Variants in MGAT5 observed in about 807,000 individuals in gnomAD.
MGAT5 encodes alpha-1,6-mannosylglycoprotein 6-beta-N-acetylglucosaminyltransferase.
Under a neutral mutation model 94.3 loss-of-function variants are expected in MGAT5, and 30 were observed. The ratio of observed to expected loss-of-function variants is 0.32; its 90% CI spans 0.24 to 0.43. The LOEUF (loss-of-function observed/expected upper bound fraction) is 0.43. Among genes scored for constraint, MGAT5 ranks in the 20% least tolerant of loss-of-function variants. The pLI is 1.00. For synonymous variants in MGAT5, 310 were observed against 322.9 expected, an observed-to-expected ratio of 0.96 and a Z score of 0.43; for missense variants, 691 against 905.5, an observed-to-expected ratio of 0.76 and a Z score of 3.04.
intron 9 of MGAT5, among the ~76,000 whole-genome samples, chr2:134,355,764 C>T (rs1679694347): frequency 6.6e-6 from 1 of 152,198 alleles, no homozygotes; most frequent in African/African-American, 2.4e-5. Context: ...CCCACATTTA[C>T]AACTTCGTCT....
At chr2:134,301,536 C>CT (rs1686018488) in intron 2 of MGAT5, among the ~76,000 whole-genome samples, 1 of 151,952 alleles carries the variant, frequency 6.6e-6, no homozygotes, top group Admixed American at 6.6e-5. Flanking sequence ...AAAGAACCTA[C>CT]TTTTTTTTGG....
chr2:134,425,451 G>A lies in MGAT5; in HGVS notation c.1794+2532G>A, dbSNP rs1009981542. On this transcript the variant is annotated intron_variant, in intron 13 of 15. Coordinates refer to ENST00000281923, the MANE Select transcript of MGAT5 (RefSeq NM_002410.5). ...TTTTTGTTTCTTTCTTTCTTTTTAA[G>A]TGTTGAGGATTTTATAAGTATGATG... Among the ~76,000 whole-genome samples the A allele has an allele frequency of 4.0e-5, 6 of 151,824 alleles. No homozygotes were observed. The East Asian group carries it at 9.7e-4, about 24-fold the overall frequency.
At chr2:134,244,459 G>A (rs1166891338) in intron 1 of MGAT5, among the ~76,000 whole-genome samples, 2 of 152,154 alleles carry the variant, frequency 1.3e-5, no homozygotes, top group African/African-American at 4.8e-5. Context: ...GCTAGCCTAG[G>A]AATGAGATTC....
intron 2 of MGAT5, among the ~76,000 whole-genome samples, chr2:134,291,285 C>A (rs1248621045): frequency 6.6e-6 from 1 of 152,060 alleles, no homozygotes; most frequent in East Asian, 1.9e-4. Context: ...GAGATTATTG[C>A]CCTTAGAAGA....
At chr2:134,180,850 T>C (rs1386006677) in intron 1 of MGAT5, among the ~76,000 whole-genome samples, 5 of 152,096 alleles carry the variant, frequency 3.3e-5, no homozygotes, top group Non-Finnish European at 7.4e-5. Flanking sequence ...TTTTATAGGG[T>C]GGAATAACCT....
At chr2:134,246,152 T>A (rs1417894675) in intron 1 of MGAT5, among the ~76,000 whole-genome samples, 1 of 135,900 alleles carries the variant, frequency 7.4e-6, no homozygotes, top group East Asian at 2.1e-4. Context: ...ATTTAGAATG[T>A]GTTTTTCCTG....
At chr2:134,288,984 C>T (rs946370293) in intron 2 of MGAT5, among the ~76,000 whole-genome samples, 1 of 152,196 alleles carries the variant, frequency 6.6e-6, no homozygotes, top group African/African-American at 2.4e-5. Flanking sequence ...GTGGTTAGCA[C>T]CTAGAAGGTG....
chr2:134,140,816 G>A (rs1050325055), intron 1 of MGAT5, among the ~76,000 whole-genome samples: 1 of 152,192 alleles, frequency 6.6e-6, no homozygotes, highest in African/African-American at 2.4e-5. Context: ...AGAGAGAGGA[G>A]GAAACTAAGG....
chr2:134,238,284 C>G (rs1681773873), intron 1 of MGAT5, among the ~76,000 whole-genome samples: 1 of 152,186 alleles, frequency 6.6e-6, no homozygotes, highest in African/African-American at 2.4e-5. Flanking sequence ...ACATACTTCA[C>G]AGGCTTAGAG....
At chr2:134,174,672 A>T (rs560205433) in intron 1 of MGAT5, among the ~76,000 whole-genome samples, 1 of 152,390 alleles carries the variant, frequency 6.6e-6, no homozygotes, top group South Asian at 2.1e-4. Flanking sequence ...AGTCTTAAAC[A>T]TGATAAAATA....
At chr2:134,289,093 C>T (rs1259882188) in intron 2 of MGAT5, among the ~76,000 whole-genome samples, 3 of 152,106 alleles carry the variant, frequency 2.0e-5, no homozygotes, top group Non-Finnish European at 1.5e-5. Flanking sequence ...TTCTCTACGT[C>T]CCCCTGTGTG....
chr2:134,250,378 A>G (rs1342179468), upstream of MGAT5, among the ~76,000 whole-genome samples: 6 of 152,196 alleles, frequency 3.9e-5, no homozygotes, highest in African/African-American at 1.2e-4. Context: ...GTCTGGAGGT[A>G]GGCATCTTCT....
At chr2:134,198,744 G>T (rs1234388413) in intron 1 of MGAT5, among the ~76,000 whole-genome samples, 1 of 152,138 alleles carries the variant, frequency 6.6e-6, no homozygotes, top group Admixed American at 6.5e-5. Context: ...CACCTTCTCA[G>T]GTCTGATCAT....
At chr2:134,322,167 C>A (rs1178874266) in intron 4 of MGAT5, among the ~76,000 whole-genome samples, 1 of 152,060 alleles carries the variant, frequency 6.6e-6, no homozygotes, top group African/African-American at 2.4e-5. Context: ...ATAAGCATAA[C>A]TGACACTTCC....
At chr2:134,270,258 T>C (rs971385535) in intron 1 of MGAT5, 128 bp from the exon 2 acceptor site, 2 of 893,406 alleles carry the variant, frequency 2.2e-6, no homozygotes, top group Non-Finnish European at 3.4e-6. Context: ...TCAGATGTGG[T>C]TTGACAGATC....
At chr2:134,383,431 T>A (rs1449034394) in intron 10 of MGAT5, among the ~76,000 whole-genome samples, 1 of 152,234 alleles carries the variant, frequency 6.6e-6, no homozygotes, top group Non-Finnish European at 1.5e-5. Context: ...ATGCCTCCAA[T>A]TTAAATCAAG....
intron 10 of MGAT5, among the ~76,000 whole-genome samples, chr2:134,379,172 T>A (rs186019501): frequency 6.6e-6 from 1 of 152,228 alleles, no homozygotes; most frequent in Non-Finnish European, 1.5e-5. Context: ...GTCTACACTT[T>A]TGCTGTAATG....
At chr2:134,387,741 T>G (rs1682120723) in intron 10 of MGAT5, among the ~76,000 whole-genome samples, 1 of 151,196 alleles carries the variant, frequency 6.6e-6, no homozygotes. Context: ...CACAAAAGAG[T>G]TTGGTGAAGG....
chr2:134,421,745 A>G (rs1196102082), intron 12 of MGAT5, among the ~76,000 whole-genome samples: 1 of 152,178 alleles, frequency 6.6e-6, no homozygotes, highest in Non-Finnish European at 1.5e-5. Context: ...TAAGGGTAAC[A>G]TTCTCCAGTT....
Sources: gnomAD v4.1 joint callset for allele counts (sites outside exome capture counted in the v4.1 genomes callset) on GRCh38, gnomAD v4.1.1 for gene constraint, MANE v1.5 for transcripts, NCBI Gene and HGNC (gene_info 2026-07-23, HGNC 2026-07-21) for gene names.